PLEKHG7: variants seen among roughly 807,000 people sequenced by gnomAD.
PLEKHG7 encodes pleckstrin homology and RhoGEF domain containing G7.
PLEKHG7 carries 77 observed loss-of-function variants against 85.2 expected under a neutral mutation model. The observed-to-expected ratio is 0.90, with a 90% CI of 0.75 to 1.09. PLEKHG7 has a LOEUF of 1.09. PLEKHG7 is among the 50% of genes least tolerant of loss of function. PLEKHG7 has a pLI of 0.00. For synonymous variants in PLEKHG7, 301 were observed against 302.4 expected, an observed-to-expected ratio of 1.00 and a Z score of 0.05; for missense variants, 777 against 804.3, an observed-to-expected ratio of 0.97 and a Z score of 0.41.
chr12:92,744,088 T>C (rs968422218), intron 9 of PLEKHG7, among the ~76,000 whole-genome samples: 1 of 152,208 alleles, frequency 6.6e-6, no homozygotes, highest in Non-Finnish European at 1.5e-5. Context: ...TAAGGTCCTA[T>C]AACAAAATAT....
intron 1 of PLEKHG7, 125 bp downstream of exon 1, chr12:92,703,257 A>G (rs1343223661): frequency 1.3e-5 from 2 of 152,122 alleles, no homozygotes; most frequent in Non-Finnish European, 2.9e-5. Context: ...TGAATCATTA[A>G]CCTGCAATGG....
intron 13 of PLEKHG7, among the ~76,000 whole-genome samples, chr12:92,757,932 G>A (rs1176353645): frequency 1.3e-5 from 2 of 152,198 alleles, no homozygotes; most frequent in Non-Finnish European, 2.9e-5. Flanking sequence ...AAGCAGAGTG[G>A]TGAAACCGGA....
chr12:92,739,926 C>A lies in PLEKHG7; in HGVS notation c.940-927C>A, dbSNP rs189985575. Among the ~76,000 whole-genome samples, 43 of 152,272 alleles carry A rather than the reference C, an allele frequency of 2.8e-4. No homozygotes were observed. In the East Asian group the frequency reaches 7.5e-3, roughly 27 times the overall value. Reference sequence around the variant, plus strand: ...TCTTGACAGGTGGCCTCTAGACCAGCAGCATCAGAATCCCTTGGTGACTTG... The same window carrying A: ...TCTTGACAGGTGGCCTCTAGACCAGAAGCATCAGAATCCCTTGGTGACTTG... On this transcript the variant is annotated intron_variant, in intron 7 of 16. Coordinates refer to ENST00000344636, the MANE Select transcript of PLEKHG7 (RefSeq NM_001377329.1).
chr12:92,737,204 G>A (rs1442449093), intron 6 of PLEKHG7, among the ~76,000 whole-genome samples, 174 bp from the exon 7 acceptor site: 1 of 152,210 alleles, frequency 6.6e-6, no homozygotes, highest in East Asian at 1.9e-4. Context: ...GAGAGAAGCT[G>A]TGGCTTGGGT....
chr12:92,721,590 G>A, intron 3 of PLEKHG7: 1 of 1,179,970 alleles, frequency 8.5e-7, no homozygotes, highest in Non-Finnish European at 1.1e-6. Context: ...GCCAGTGGAA[G>A]GGTGTCCTGC....
intron 3 of PLEKHG7, among the ~76,000 whole-genome samples, chr12:92,726,713 T>C (rs77115926): frequency 0.01 from 1,563 of 152,248 alleles, 30 homozygotes; most frequent in African/African-American, 0.033. Context: ...CCCATTTATT[T>C]TGTGAACATC....
At chr12:92,744,443 T>A (rs992901464) in intron 9 of PLEKHG7, among the ~76,000 whole-genome samples, 4 of 152,144 alleles carry the variant, frequency 2.6e-5, no homozygotes, top group African/African-American at 9.7e-5. Flanking sequence ...TGTGCTCAGT[T>A]TACCCATTAT....
chr12:92,759,441 G>A lies in PLEKHG7; in HGVS notation c.1637-2311G>A, dbSNP rs1201832639. ...AGCAAATTTTACAGGTTTGAAGGTT[G>A]CTGTGGACTGAATTGTGTTCTTCCA... is the stretch of plus-strand genomic sequence containing the variant. On this transcript the variant is annotated intron_variant, in intron 13 of 16. Coordinates refer to ENST00000344636, the MANE Select transcript of PLEKHG7 (RefSeq NM_001377329.1). Among the ~76,000 whole-genome samples the A allele has an allele frequency of 2.7e-5, 4 of 145,996 alleles. No homozygotes were observed. In the East Asian group the frequency reaches 7.7e-4, roughly 28 times the overall value.
intron 3 of PLEKHG7, among the ~76,000 whole-genome samples, chr12:92,728,572 G>A (rs11106689): frequency 2.8e-5 from 4 of 141,658 alleles, no homozygotes; most frequent in African/African-American, 6.2e-5. Context: ...CATGGTGTGT[G>A]TATGTGTACA....
intron 7 of PLEKHG7, 42 bp from the exon 8 acceptor site, chr12:92,740,811 T>TA: frequency 7.1e-7 from 1 of 1,410,154 alleles, no homozygotes; most frequent in South Asian, 1.2e-5. Flanking sequence ...GTTGCAAAAT[T>TA]AAAAAACAGA....
chr12:92,707,891 A>G (rs1871285121), intron 3 of PLEKHG7: 3 of 658,824 alleles, frequency 4.6e-6, no homozygotes, highest in Non-Finnish European at 7.5e-6. Flanking sequence ...ACAATGCCAT[A>G]TGCAGTCATA....
chr12:92,755,592 C>G (rs1872803217), intron 11 of PLEKHG7, among the ~76,000 whole-genome samples: 1 of 152,110 alleles, frequency 6.6e-6, no homozygotes, highest in South Asian at 2.1e-4. Context: ...AATATACTTT[C>G]AAACTACTGA....
intron 3 of PLEKHG7, among the ~76,000 whole-genome samples, chr12:92,727,745 T>C (rs1265859323): frequency 1.3e-5 from 2 of 152,104 alleles, no homozygotes; most frequent in Non-Finnish European, 1.5e-5. Flanking sequence ...TGCACCACCA[T>C]GCCCAGCTAA....
At chr12:92,764,403 T>G (rs1230197071) in intron 15 of PLEKHG7, among the ~76,000 whole-genome samples, 4 of 152,166 alleles carry the variant, frequency 2.6e-5, no homozygotes, top group South Asian at 4.1e-4. Context: ...CGTATGACCT[T>G]AGACAAGAGA....
chr12:92,729,165 C>T, intron 4 of PLEKHG7, 45 bp downstream of exon 4: 7 of 1,230,742 alleles, frequency 5.7e-6, no homozygotes, highest in Non-Finnish European at 7.1e-6. Context: ...CACTGTGGAA[C>T]AGATATTGCC....
At chr12:92,734,819 C>A (rs1872091935) in intron 5 of PLEKHG7, among the ~76,000 whole-genome samples, 1 of 152,206 alleles carries the variant, frequency 6.6e-6, no homozygotes, top group Non-Finnish European at 1.5e-5. Context: ...TTCATGCCAC[C>A]TACCTCTTAG....
At chr12:92,752,402 A>G (rs1429044060) in intron 10 of PLEKHG7, among the ~76,000 whole-genome samples, 1 of 152,214 alleles carries the variant, frequency 6.6e-6, no homozygotes, top group African/African-American at 2.4e-5. Flanking sequence ...TGGAAACAAG[A>G]GTCCAGGAGC....
At chr12:92,734,028 A>C (rs567993015) in intron 5 of PLEKHG7, among the ~76,000 whole-genome samples, 1 of 152,326 alleles carries the variant, frequency 6.6e-6, no homozygotes, top group South Asian at 2.1e-4. Context: ...AAGGAAGAAT[A>C]ATTAGTGGAC....
chr12:92,731,599 C>T (rs1265936710), intron 4 of PLEKHG7, among the ~76,000 whole-genome samples: 2 of 152,202 alleles, frequency 1.3e-5, no homozygotes, highest in Admixed American at 6.5e-5. Flanking sequence ...AGAATCCAAT[C>T]GAATCTCTTT....
Sources: allele counts gnomAD v4.1 joint callset (sites outside exome capture counted in the v4.1 genomes callset), GRCh38; gene constraint gnomAD v4.1.1; transcripts MANE v1.5; gene names NCBI Gene and HGNC (gene_info 2026-07-23, HGNC 2026-07-21).